The following CPNE4 variants were observed in gnomAD, a reference collection of about 807,000 sequenced individuals.
The protein encoded by CPNE4 is copine 4.
A neutral mutation model predicts 67.9 loss-of-function variants in CPNE4; 25 were observed. The observed-to-expected ratio is 0.37, with a 90% CI of 0.27 to 0.51. The LOEUF (loss-of-function observed/expected upper bound fraction) is 0.51. Among genes scored for constraint, CPNE4 ranks in the 20% least tolerant of loss-of-function variants. CPNE4 has a pLI of 0.93. For missense variants in CPNE4, 464 were observed against 690.8 expected, an observed-to-expected ratio of 0.67 and a Z score of 3.68; for synonymous variants, 242 against 244.9, an observed-to-expected ratio of 0.99 and a Z score of 0.11.
intron 2 of CPNE4, among the ~76,000 whole-genome samples, chr3:131,891,962 C>T (rs2088135445): frequency 5.3e-5 from 8 of 152,082 alleles, no homozygotes; most frequent in Admixed American, 5.2e-4. Flanking sequence ...AAGAAGTACA[C>T]TGAAGGGCAC....
chr3:131,848,655 A>G (rs2086098631), intron 2 of CPNE4, among the ~76,000 whole-genome samples: 1 of 117,562 alleles, frequency 8.5e-6, no homozygotes, highest in South Asian at 3.5e-4. Flanking sequence ...ATTAGTAATT[A>G]AATGTGCATC....
At chr3:131,753,290 C>T (rs2082675392) in intron 2 of CPNE4, among the ~76,000 whole-genome samples, 2 of 151,618 alleles carry the variant, frequency 1.3e-5, no homozygotes, top group South Asian at 4.2e-4. Context: ...CGTAAATTCT[C>T]AAATATAATG....
chr3:131,889,774 A>G (rs1336154024), intron 2 of CPNE4, among the ~76,000 whole-genome samples: 1 of 152,194 alleles, frequency 6.6e-6, no homozygotes, highest in Non-Finnish European at 1.5e-5. Context: ...CTGTGCCTTT[A>G]AGTGTATGTG....
At position 131,947,964 on chromosome 3, in the gene CPNE4, T is replaced by C. The variant is rs971177487; in HGVS notation, c.-1-42520A>G. 1.2e-4 allele frequency among the ~76,000 whole-genome samples: 18 copies of C among 152,222 alleles called. 1 individual carries two copies. The highest frequency in any genetic ancestry group is 4.1e-4 in the African/African-American group (17 of 41,466). ...TATAGAATTGCATTGAATCCATAGA[T>C]TACTTTGAATAGTACTAAAGTTTTC... is the stretch of plus-strand genomic sequence containing the variant. On this transcript the variant is annotated intron_variant, in intron 1 of 15. Coordinates refer to ENST00000429747, the MANE Select transcript of CPNE4 (RefSeq NM_130808.3).
chr3:131,588,235 A>C (rs954588179), intron 7 of CPNE4, among the ~76,000 whole-genome samples: 4 of 152,178 alleles, frequency 2.6e-5, no homozygotes, highest in African/African-American at 9.7e-5. Flanking sequence ...AGATGCAACC[A>C]TTCACTTCTA....
At chr3:131,658,420 C>T (rs1336749076) in intron 7 of CPNE4, among the ~76,000 whole-genome samples, 1 of 152,236 alleles carries the variant, frequency 6.6e-6, no homozygotes, top group Non-Finnish European at 1.5e-5. Context: ...TAACTTTCTT[C>T]TCTTTACTGG....
chr3:131,781,684 T>A (rs1276189925), intron 2 of CPNE4, among the ~76,000 whole-genome samples: 1 of 152,084 alleles, frequency 6.6e-6, no homozygotes, highest in African/African-American at 2.4e-5. Context: ...GTATTTTGGG[T>A]TTATATGCCA....
intron 6 of CPNE4, among the ~76,000 whole-genome samples, chr3:131,671,809 T>G (rs2080425623): frequency 6.6e-6 from 1 of 152,178 alleles, no homozygotes; most frequent in Admixed American, 6.6e-5. Flanking sequence ...TTATCCTTTA[T>G]GTTAGAAACA....
chr3:131,848,877 G>T (rs1048935606), intron 2 of CPNE4, among the ~76,000 whole-genome samples: 1 of 143,954 alleles, frequency 6.9e-6, no homozygotes, highest in South Asian at 2.2e-4. Context: ...TTCACTCCAT[G>T]TGCCCATAGG....
chr3:131,965,750 A>G (rs942240544), intron 1 of CPNE4, among the ~76,000 whole-genome samples: 2 of 152,192 alleles, frequency 1.3e-5, no homozygotes, highest in Non-Finnish European at 2.9e-5. Context: ...CTATAAAGAG[A>G]CTTAGACTCC....
At chr3:131,836,304 C>T (rs977339390) in intron 2 of CPNE4, among the ~76,000 whole-genome samples, 1 of 152,050 alleles carries the variant, frequency 6.6e-6, no homozygotes, top group Admixed American at 6.6e-5. Context: ...TGGTTCAATA[C>T]TCAAAAATTA....
chr3:131,619,807 A>T (rs1026895277), intron 7 of CPNE4, among the ~76,000 whole-genome samples: 2 of 152,174 alleles, frequency 1.3e-5, no homozygotes, highest in South Asian at 4.2e-4. Context: ...ATACACCCTA[A>T]ATGGTTAATA....
intron 7 of CPNE4, among the ~76,000 whole-genome samples, chr3:131,593,757 G>A (rs957613392): frequency 6.6e-6 from 1 of 152,098 alleles, no homozygotes; most frequent in African/African-American, 2.4e-5. Context: ...CTTTTGCCAG[G>A]CTGGAGTGCA....
intron 7 of CPNE4, among the ~76,000 whole-genome samples, chr3:131,590,013 G>T (rs1259053432): frequency 6.6e-6 from 1 of 152,158 alleles, no homozygotes; most frequent in African/African-American, 2.4e-5. Context: ...CCAAGTTTGG[G>T]GTGGGAGGAG....
At chr3:131,569,653 C>CAAAAAAAA (rs71133700) in intron 10 of CPNE4, among the ~76,000 whole-genome samples, 3 of 96,356 alleles carry the variant, frequency 3.1e-5, no homozygotes, top group African/African-American at 9.5e-5. Flanking sequence ...ACAAAAAAAA[C>CAAAAAAAA]AAAAAAAAAC....
chr3:131,959,451 C>A (rs1026297825), intron 1 of CPNE4, among the ~76,000 whole-genome samples: 9 of 152,062 alleles, frequency 5.9e-5, no homozygotes, highest in African/African-American at 2.2e-4. Flanking sequence ...ACTGTACTTT[C>A]AGAAAAGATT....
chr3:131,643,772 A>G (rs893326477), intron 7 of CPNE4, among the ~76,000 whole-genome samples: 6 of 152,128 alleles, frequency 3.9e-5, no homozygotes. Context: ...CATGATAATG[A>G]GTGAGTTCTC....
chr3:132,015,551 G>A (rs1430375997), intron 1 of CPNE4, among the ~76,000 whole-genome samples: 3 of 151,850 alleles, frequency 2.0e-5, no homozygotes, highest in Non-Finnish European at 4.4e-5. Flanking sequence ...TATCATATAC[G>A]ATATGATGTC....
At chr3:131,952,050 T>G in intron 1 of CPNE4, among the ~76,000 whole-genome samples, 1 of 148,272 alleles carries the variant, frequency 6.7e-6, no homozygotes, top group East Asian at 2.1e-4. Context: ...GGAGCCCCTC[T>G]GCCTGGCTGC....
Sources: allele counts gnomAD v4.1 joint callset (sites outside exome capture counted in the v4.1 genomes callset), GRCh38; gene constraint gnomAD v4.1.1; transcripts MANE v1.5; gene names NCBI Gene and HGNC (gene_info 2026-07-23, HGNC 2026-07-21).